The following ASB17 variants were observed in gnomAD, a reference collection of about 807,000 sequenced individuals.
The protein encoded by ASB17 is ankyrin repeat and SOCS box containing 17.
Under a neutral mutation model 25.7 loss-of-function variants are expected in ASB17, and 26 were observed. That is an observed-to-expected ratio of 1.01 (90% CI 0.74 to 1.40). ASB17 has a LOEUF of 1.40. ASB17 is among the 40% of genes most tolerant of loss of function. The pLI is 0.00. For synonymous variants in ASB17, 128 were observed against 121.4 expected (o/e 1.05, Z -0.36); for missense variants, 326 against 338.5 (o/e 0.96, Z 0.29).
intron 2 of ASB17, among the ~76,000 whole-genome samples, chr1:75,920,214 G>A (rs935209382): frequency 6.6e-6 from 1 of 152,146 alleles, no homozygotes; most frequent in Non-Finnish European, 1.5e-5. Flanking sequence ...CAAATGAAAA[G>A]ATGTCTTTTA....
intron 1 of ASB17, among the ~76,000 whole-genome samples, chr1:75,924,810 T>G (rs1425529442): frequency 6.6e-6 from 1 of 150,382 alleles, no homozygotes; most frequent in East Asian, 1.9e-4. Flanking sequence ...CTCCCCTGCC[T>G]TTTTTTTTCA....
At chr1:75,922,022 G>A (rs1653038391) in intron 2 of ASB17, 58 bp downstream of exon 2, 3 of 1,391,310 alleles carry the variant, frequency 2.2e-6, no homozygotes, top group Non-Finnish European at 3.0e-6. Flanking sequence ...TTCCTTTACA[G>A]TTGAATCTTA....
chr1:75,932,044 A>G lies in ASB17; in HGVS notation c.248T>C (p.Val83Ala). The G allele has an allele frequency of 6.2e-7, 1 of 1,614,118 alleles. No homozygotes were observed. Among genetic ancestry groups the G allele is most frequent in the Non-Finnish European group, 8.5e-7 (1 of 1,179,990 alleles). Reference protein sequence around the residue: ...FVEKSGYRFEVSFNLDFTEIC... With the variant: ...FVEKSGYRFEASFNLDFTEIC... ...TTCAGTGAAGTCGAGGTTAAAACTT[A>G]CTTCAAAACGGTATCCTGATTTTTC... Residue 83 changes from valine to alanine, a missense_variant, in exon 1 of 3, where the codon GTA (valine) becomes GCA (alanine). Val to Ala is a moderately conservative substitution (Grantham distance 64). Transcript: ENST00000284142.
Position 75,919,064 on chromosome 1 carries a change from A to G in ASB17, c.776T>C (p.Leu259Pro). 3 of 1,612,260 alleles carry G rather than the reference A, an allele frequency of 1.9e-6. No individual in the cohort carries two copies. Among genetic ancestry groups the G allele is most frequent in the South Asian group, 2.2e-5 (2 of 91,044 alleles). The change falls in exon 3 of 3, where the codon CTT (leucine) becomes CCT (proline). Residue 259 changes from leucine to proline, a missense_variant. Transcript: ENST00000284142. ...TTGATTCCTGATGGTTAGTCTGCAAAGATGTAATAGTTCACATGGATCTTT... is the reference window on the plus strand; with the variant it reads ...TTGATTCCTGATGGTTAGTCTGCAAGGATGTAATAGTTCACATGGATCTTT... ...RYKDPCELLH[L>P]CRLTIRNQLL...
At chr1:75,922,048 T>C in intron 2 of ASB17, 32 bp downstream of exon 2, 1 of 1,542,728 alleles carries the variant, frequency 6.5e-7, no homozygotes, top group African/African-American at 1.4e-5. Context: ...CACTAATATT[T>C]GAGCCCATTT....
chr1:75,929,972 AG>A lies in ASB17; in HGVS notation c.401+1918del, dbSNP rs576972632. On this transcript the variant is annotated intron_variant, in intron 1 of 2. Transcript: ENST00000284142. ...CTGGGGAAGGAGAAGGTTGGCAGAG[AG>A]GGGGGGTGAGTTAGATCAGTATTCC... Among the ~76,000 whole-genome samples, 16 of 124,664 alleles carry A rather than the reference AG, an allele frequency of 1.3e-4. No individual in the cohort carries two copies. The South Asian group carries it at 1.7e-3, about 14-fold the overall frequency. 81.8% of individuals were successfully genotyped at this position (124,664 alleles called of 152,430 possible).
chr1:75,923,239 T>C (rs978881365), intron 1 of ASB17, among the ~76,000 whole-genome samples: 3 of 152,198 alleles, frequency 2.0e-5, no homozygotes, highest in African/African-American at 7.2e-5. Context: ...ATGTAAATTA[T>C]AGTGAGAACC....
At chr1:75,922,511 T>G (rs1231348744) in intron 1 of ASB17, 152 bp from the exon 2 acceptor site, 28 of 512,186 alleles carry the variant, frequency 5.5e-5, no homozygotes, top group Non-Finnish European at 7.7e-5. Flanking sequence ...TTTTTTTTTT[T>G]TTGAGATGGA....
Position 75,931,960 on chromosome 1 carries a change from A to T in ASB17, c.332T>A (p.Val111Glu). Residue 111 changes from valine (V) to glutamate (E), a missense_variant, in exon 1 of 3, where the codon GTG becomes GAG. Transcript: ENST00000284142. ...TTTTGTCTTCTTGAGAAGCAATTCC[A>T]CAAAGTCAGGATTACCTTTTCTGGC... ...VFARKGNPDFVELLLKKTKDY... is the reference protein window; with the variant it reads ...VFARKGNPDFEELLLKKTKDY... The T allele has an allele frequency of 6.2e-7, 1 of 1,613,952 alleles. No homozygotes were observed. Among genetic ancestry groups the T allele is most frequent in the South Asian group, 1.1e-5 (1 of 91,026 alleles).
rs774346181 is a variant in ASB17 at position 75,922,149 on chromosome 1, A to C, written c.612T>G (p.His204Gln). Reference sequence around the variant, plus strand: ...GTACCAAACATGTTTTGGCATCTTCATGGATGTCAGCCAATTCACGATCAA... The same window carrying C: ...GTACCAAACATGTTTTGGCATCTTCCTGGATGTCAGCCAATTCACGATCAA... ...VMVDRELADI[H>Q]EDAKTCLVLC... Residue 204 changes from histidine to glutamine, a missense_variant, in exon 2 of 3, where the codon CAT (histidine) becomes CAG (glutamine). Transcript: ENST00000284142. The C allele has an allele frequency of 1.9e-6, 3 of 1,613,898 alleles. No homozygotes were observed. Among genetic ancestry groups the C allele is most frequent in the Non-Finnish European group, 2.5e-6 (3 of 1,179,868 alleles).
intron 1 of ASB17, among the ~76,000 whole-genome samples, chr1:75,928,438 G>A (rs1653230564): frequency 6.6e-6 from 1 of 152,144 alleles, no homozygotes; most frequent in Non-Finnish European, 1.5e-5. Context: ...GATTTGTGGT[G>A]AAAATGAACA....
intron 2 of ASB17, 84 bp downstream of exon 2, chr1:75,921,996 A>T: frequency 8.3e-7 from 1 of 1,201,192 alleles, no homozygotes. Context: ...TATAAATTAA[A>T]AATTAACTGT....
At chr1:75,921,547 G>C (rs138942069) in intron 2 of ASB17, among the ~76,000 whole-genome samples, 1 of 152,162 alleles carries the variant, frequency 6.6e-6, no homozygotes, top group Non-Finnish European at 1.5e-5. Flanking sequence ...CTCTAAATTT[G>C]ATTTATTCCA....
At chr1:75,928,606 A>G (rs1400875577) in intron 1 of ASB17, among the ~76,000 whole-genome samples, 1 of 152,228 alleles carries the variant, frequency 6.6e-6, no homozygotes, top group Non-Finnish European at 1.5e-5. Flanking sequence ...GGTATTCATT[A>G]TGAGGACATA....
chr1:75,925,932 C>A (rs1571016777), intron 1 of ASB17, among the ~76,000 whole-genome samples: 1 of 152,062 alleles, frequency 6.6e-6, no homozygotes, highest in East Asian at 1.9e-4. Context: ...TCCAAGTTAC[C>A]CATTCATCTC....
Position 75,919,100 on chromosome 1 carries a change from G to A in ASB17, c.740C>T (p.Ser247Leu), listed in dbSNP as rs139489809. The change falls in exon 3 of 3, where the codon TCA (serine) becomes TTA (leucine). Residue 247 changes from serine (S) to leucine (L), a missense_variant. Ser to Leu is a moderately radical substitution (Grantham distance 145). Coordinates refer to ENST00000284142, the MANE Select transcript of ASB17 (RefSeq NM_080868.3). ...IISNWFDYIP[S>L]TRYKDPCELL... ...TTCACATGGATCTTTGTATCTTGTT[G>A]AAGGAATGTAATCAAACCAATTTGA... 2.5e-4 allele frequency: 401 copies of A among 1,613,206 alleles called. 2 individuals carry two copies. The East Asian group carries it at 2.7e-3, about 11-fold the overall frequency.
At chr1:75,926,409 G>A (rs896991492) in intron 1 of ASB17, among the ~76,000 whole-genome samples, 1 of 152,192 alleles carries the variant, frequency 6.6e-6, no homozygotes, top group Non-Finnish European at 1.5e-5. Flanking sequence ...AGACCAGAAG[G>A]AGGTGCGGAA....
intron 1 of ASB17, among the ~76,000 whole-genome samples, chr1:75,930,009 T>C (rs1653280608): frequency 6.6e-6 from 1 of 152,026 alleles, no homozygotes; most frequent in Non-Finnish European, 1.5e-5. Context: ...GCTTTGTTTC[T>C]ATTCAGTTTG....
At chr1:75,930,844 G>C (rs1009132956) in intron 1 of ASB17, among the ~76,000 whole-genome samples, 6 of 152,140 alleles carry the variant, frequency 3.9e-5, no homozygotes, top group Admixed American at 1.3e-4. Flanking sequence ...AGCCCAGCTA[G>C]TGACAGTCAG....
Sources: gnomAD v4.1 joint callset for allele counts (sites outside exome capture counted in the v4.1 genomes callset) on GRCh38, gnomAD v4.1.1 for gene constraint, MANE v1.5 for transcripts, NCBI Gene and HGNC (gene_info 2026-07-23, HGNC 2026-07-21) for gene names.